Variants in INPP4B observed in about 807,000 individuals in gnomAD.
INPP4B encodes the protein inositol polyphosphate-4-phosphatase type II B.
A neutral mutation model predicts 122.5 loss-of-function variants in INPP4B; 55 were observed. That is an observed-to-expected ratio of 0.45 (90% CI 0.36 to 0.56). The LOEUF (loss-of-function observed/expected upper bound fraction) is 0.56, where lower values mean the gene tolerates loss of function less well. INPP4B is among the 20% of genes least tolerant of loss of function. The pLI is 0.00. For synonymous variants in INPP4B, 403 were observed against 388.7 expected, an observed-to-expected ratio of 1.04 and a Z score of -0.43; for missense variants, 1,000 against 1,097.7, an observed-to-expected ratio of 0.91 and a Z score of 1.26.
intron 12 of INPP4B, among the ~76,000 whole-genome samples, chr4:142,220,370 G>T (rs1163499223): frequency 6.6e-6 from 1 of 152,118 alleles, no homozygotes; most frequent in Non-Finnish European, 1.5e-5. Flanking sequence ...TATAGCAACT[G>T]CTGGAAAGCC....
chr4:142,274,586 C>T (rs974805847), intron 9 of INPP4B, among the ~76,000 whole-genome samples: 21 of 151,772 alleles, frequency 1.4e-4, no homozygotes, highest in Non-Finnish European at 2.8e-4. Flanking sequence ...AAAGAGCTAG[C>T]TTTTCTTATA....
chr4:142,549,153 C>T (rs1727371274), intron 2 of INPP4B, among the ~76,000 whole-genome samples: 1 of 152,088 alleles, frequency 6.6e-6, no homozygotes, highest in Non-Finnish European at 1.5e-5. Context: ...TTCACTTAAC[C>T]CGCACTGCAC....
chr4:142,061,879 CACACACATATATAT>C (rs1427244770), intron 25 of INPP4B, among the ~76,000 whole-genome samples: 30 of 8,336 alleles, frequency 3.6e-3, no homozygotes, highest in African/African-American at 4.8e-3. Context: ...CACACACACA[CACACACATATATAT>C]ATATATATAT....
At chr4:142,809,615 T>C (rs1243714959) in intron 1 of INPP4B, among the ~76,000 whole-genome samples, 4 of 152,148 alleles carry the variant, frequency 2.6e-5, no homozygotes, top group Non-Finnish European at 5.9e-5. Context: ...TTATATTCTG[T>C]CATCCTGGGA....
chr4:142,531,546 T>C (rs1827621723), intron 2 of INPP4B, among the ~76,000 whole-genome samples: 1 of 152,150 alleles, frequency 6.6e-6, no homozygotes, highest in African/African-American at 2.4e-5. Flanking sequence ...CTATGAGAAA[T>C]AATTTCTCTT....
At chr4:142,292,793 A>C (rs1756983476) in intron 9 of INPP4B, among the ~76,000 whole-genome samples, 1 of 152,186 alleles carries the variant, frequency 6.6e-6, no homozygotes, top group South Asian at 2.1e-4. Flanking sequence ...CATAGGAAAA[A>C]AGAAGTAACA....
chr4:142,345,335 T>C (rs1361716331), intron 7 of INPP4B, among the ~76,000 whole-genome samples: 1 of 152,028 alleles, frequency 6.6e-6, no homozygotes, highest in African/African-American at 2.4e-5. Flanking sequence ...GAAAAGGATC[T>C]ATATTCACCA....
intron 2 of INPP4B, among the ~76,000 whole-genome samples, chr4:142,622,260 T>C (rs947890329): frequency 6.6e-6 from 1 of 151,806 alleles, no homozygotes; most frequent in Non-Finnish European, 1.5e-5. Flanking sequence ...TTTCATCACA[T>C]TTTCCCTTTG....
intron 25 of INPP4B, among the ~76,000 whole-genome samples, chr4:142,061,883 C>CATATAT (rs1760922182): frequency 3.4e-4 from 4 of 11,674 alleles, no homozygotes; most frequent in Non-Finnish European, 1.9e-3. Flanking sequence ...CACACACACA[C>CATATAT]ACATATATAT....
intron 25 of INPP4B, among the ~76,000 whole-genome samples, chr4:142,076,496 C>G (rs1191074509): frequency 1.3e-5 from 2 of 152,040 alleles, no homozygotes; most frequent in Non-Finnish European, 2.9e-5. Flanking sequence ...AGGTGACTCT[C>G]TCTCTCAGCT....
At chr4:142,042,413 CAAG>C (rs764336652) in intron 25 of INPP4B, among the ~76,000 whole-genome samples, 1 of 152,078 alleles carries the variant, frequency 6.6e-6, no homozygotes, top group Non-Finnish European at 1.5e-5. Flanking sequence ...TCTTGAATCT[CAAG>C]GAGGAAGTTT....
At chr4:142,636,003 C>T (rs763808757) in intron 2 of INPP4B, among the ~76,000 whole-genome samples, 27 of 152,168 alleles carry the variant, frequency 1.8e-4, no homozygotes, top group Non-Finnish European at 3.4e-4. Flanking sequence ...ATAATCCCCA[C>T]ATGTCAAGGG....
chr4:142,552,474 T>C (rs115810611), intron 2 of INPP4B, among the ~76,000 whole-genome samples: 6,494 of 151,770 alleles, frequency 0.043, 298 homozygotes, highest in African/African-American at 0.11. Flanking sequence ...ACTGGGACCC[T>C]GCACTGCCTA....
intron 2 of INPP4B, among the ~76,000 whole-genome samples, chr4:142,667,324 A>T (rs1756260640): frequency 6.6e-6 from 1 of 152,142 alleles, no homozygotes; most frequent in African/African-American, 2.4e-5. Flanking sequence ...TCATGACCTG[A>T]TATCTACATA....
chr4:142,036,189 A>G (rs1026176830), intron 25 of INPP4B, among the ~76,000 whole-genome samples: 12 of 151,970 alleles, frequency 7.9e-5, no homozygotes, highest in Non-Finnish European at 1.8e-4. Context: ...TGTGGTTGCT[A>G]TTATCGTTAA....
intron 6 of INPP4B, 32 bp downstream of exon 6, chr4:142,405,174 A>AGAGAGT (rs2149192313): frequency 8.0e-7 from 1 of 1,249,388 alleles, no homozygotes; most frequent in South Asian, 1.2e-5. Context: ...AGAGAGAGAG[A>AGAGAGT]GAGAGATTAA....
At chr4:142,596,780 T>A (rs774046049) in intron 2 of INPP4B, among the ~76,000 whole-genome samples, 2 of 152,210 alleles carry the variant, frequency 1.3e-5, no homozygotes, top group African/African-American at 2.4e-5. Flanking sequence ...TGCTATCAGC[T>A]AAAGCAGCAT....
chr4:142,560,968 G>T (rs994815120), intron 2 of INPP4B, among the ~76,000 whole-genome samples: 2 of 152,138 alleles, frequency 1.3e-5, no homozygotes, highest in African/African-American at 4.8e-5. Context: ...AATCTTGACT[G>T]TCATTTTGGT....
intron 5 of INPP4B, among the ~76,000 whole-genome samples, chr4:142,420,854 A>G (rs1806723207): frequency 6.6e-6 from 1 of 152,180 alleles, no homozygotes; most frequent in African/African-American, 2.4e-5. Context: ...ATTACTATGC[A>G]CAAAAGTTCA....
Sources: allele counts gnomAD v4.1 joint callset (sites outside exome capture counted in the v4.1 genomes callset), GRCh38; gene constraint gnomAD v4.1.1; transcripts MANE v1.5; gene names NCBI Gene and HGNC (gene_info 2026-07-23, HGNC 2026-07-21).